KIF23: variants seen among roughly 807,000 people sequenced by gnomAD.
The protein encoded by KIF23 is kinesin family member 23.
Under a neutral mutation model 137.5 loss-of-function variants are expected in KIF23, and 30 were observed. The observed-to-expected ratio is 0.22, with a 90% CI of 0.16 to 0.30. KIF23 has a LOEUF of 0.30. KIF23 is among the 10% of genes least tolerant of loss of function. The pLI, the probability that KIF23 is intolerant of heterozygous loss-of-function variation, is 1.00. For synonymous variants in KIF23, 367 were observed against 391.1 expected, an observed-to-expected ratio of 0.94 and a Z score of 0.73; for missense variants, 920 against 1,194.3, an observed-to-expected ratio of 0.77 and a Z score of 3.38.
At chr15:69,434,519 G>A (rs1272400800) in intron 11 of KIF23, 1 of 761,732 alleles carries the variant, frequency 1.3e-6, no homozygotes, top group Admixed American at 1.8e-5. Context: ...GTGTATGCCA[G>A]CCTGGATCTC....
intron 23 of KIF23, 43 bp from the exon 24 acceptor site, chr15:69,447,749 T>C: frequency 6.3e-7 from 1 of 1,584,034 alleles, no homozygotes; most frequent in South Asian, 1.2e-5. Context: ...AATGTGTTAC[T>C]AATTGCAAAG....
Position 69,414,364 on chromosome 15 carries a change from T to TTGTTC in KIF23, c.-101_-100insGTTCT. On this transcript the variant is annotated 5_prime_UTR_variant, in exon 1 of 24. Transcript: ENST00000679126. ...CGCCGGCTTCGCAGAGCACCGCGCCTTAGCCGCGAAGTTCTAGTTCTTGCT... is the reference window on the plus strand; with the variant it reads ...CGCCGGCTTCGCAGAGCACCGCGCCTTGTTCTAGCCGCGAAGTTCTAGTTCTTGCT... The TTGTTC allele has an allele frequency of 6.7e-7, 1 of 1,502,676 alleles. No homozygotes were observed. Among genetic ancestry groups the TTGTTC allele is most frequent in the Non-Finnish European group, 9.0e-7 (1 of 1,112,036 alleles). The allele number at this position is 1,502,676 out of a possible 1,614,324, so 93.1% of individuals were successfully genotyped here.
chr15:69,420,391 A>G (rs543785010), intron 3 of KIF23, among the ~76,000 whole-genome samples: 1 of 152,224 alleles, frequency 6.6e-6, no homozygotes, highest in Non-Finnish European at 1.5e-5. Flanking sequence ...GGAGTCATTC[A>G]TGAGGACTGT....
Position 69,440,885 on chromosome 15 carries a change from T to C in KIF23, c.2227T>C (p.Trp743Arg), listed in dbSNP as rs539396226. ...SISVASCISE[W>R]EQKIPTYNTP... ...TTCTGTAGCTTCCTGTATTTCGGAATGGGAGCAGAAAATTCCTACGTACAA... is the reference window on the plus strand; with the variant it reads ...TTCTGTAGCTTCCTGTATTTCGGAACGGGAGCAGAAAATTCCTACGTACAA... The change falls in exon 19 of 24, where the codon TGG (tryptophan) becomes CGG (arginine). Residue 743 changes from tryptophan to arginine, a missense_variant. Physicochemically the swap from Trp to Arg is moderately radical, Grantham distance 101. Around this residue, in one of 4 missense-constraint regions of KIF23, gnomAD observed 714 missense variants for 866.2 expected, o/e 0.82. Coordinates refer to ENST00000679126, the MANE Select transcript of KIF23 (RefSeq NM_001367805.3). 2 of 1,614,186 alleles carry C rather than the reference T, an allele frequency of 1.2e-6. No homozygotes were observed. The highest frequency in any genetic ancestry group is 1.3e-5 in the African/African-American group (1 of 75,040).
intron 23 of KIF23, 33 bp from the exon 24 acceptor site, chr15:69,447,758 AG>A: frequency 6.3e-7 from 1 of 1,587,374 alleles, no homozygotes; most frequent in South Asian, 1.2e-5. Context: ...CTAATTGCAA[AG>A]TTCAACTCTA....
intron 3 of KIF23, among the ~76,000 whole-genome samples, chr15:69,419,944 C>G (rs1243266183): frequency 6.6e-6 from 1 of 152,140 alleles, no homozygotes; most frequent in African/African-American, 2.4e-5. Context: ...TCACTGCTTT[C>G]TGACAGAAGG....
chr15:69,416,195 T>A (rs1317168764), intron 2 of KIF23, 132 bp downstream of exon 2: 2 of 541,504 alleles, frequency 3.7e-6, no homozygotes, highest in Non-Finnish European at 6.3e-6. Context: ...TTTAGTTAAA[T>A]GGATGTACTA....
chr15:69,434,360 C>A (rs1567070569), intron 11 of KIF23: 2 of 238,742 alleles, frequency 8.4e-6, no homozygotes, highest in Admixed American at 9.9e-5. Context: ...GCAATCTAAT[C>A]TTTTTTTTAA....
intron 10 of KIF23, 48 bp downstream of exon 10, chr15:69,426,505 A>C (rs2057196825): frequency 1.9e-6 from 3 of 1,590,066 alleles, no homozygotes; most frequent in Non-Finnish European, 2.6e-6. Flanking sequence ...TCTATCCTTA[A>C]TTTTTGGAAT....
intron 8 of KIF23, 90 bp from the exon 9 acceptor site, chr15:69,425,980 T>C (rs959450214): frequency 2.4e-6 from 1 of 410,886 alleles, no homozygotes; most frequent in Admixed American, 4.2e-5. Flanking sequence ...GAATAACATG[T>C]CATGTCACTT....
rs758710646 is a variant in KIF23, at chr15:69,416,041, C to T, written c.59C>T (p.Thr20Met). The T allele has an allele frequency of 1.6e-5, 26 of 1,576,014 alleles. No individual in the cohort carries two copies. Among genetic ancestry groups the T allele is most frequent in the Admixed American group, 4.1e-5 (2 of 48,996 alleles). Reference sequence around the variant, plus strand: ...CCTACCGTGAAAAAAGGGTCCCAAACGAACCTTAAAGACCCAGTTGGGGTA... The same window carrying T: ...CCTACCGTGAAAAAAGGGTCCCAAATGAACCTTAAAGACCCAGTTGGGGTA... ...RKPTVKKGSQ[T>M]NLKDPVGVYC... The change falls in exon 2 of 24, where the codon ACG (threonine) becomes ATG (methionine). Residue 20 changes from threonine (T) to methionine (M), a missense_variant. By Grantham distance (81) the Thr-to-Met change is moderately conservative. Around this residue, in one of 4 missense-constraint regions of KIF23, gnomAD observed 124 missense variants for 122.0 expected, o/e 1.02. Transcript: ENST00000679126.
Position 69,423,332 on chromosome 15 carries a change from A to G in KIF23, c.734+3A>G. The G allele has an allele frequency of 6.5e-7, 1 of 1,538,618 alleles. No homozygotes were observed. The highest frequency in any genetic ancestry group is 8.7e-7 in the Non-Finnish European group (1 of 1,146,904). ...CCGTTTGATCCCATAAAACCCAAGT[A>G]AGTAATAAAGAGAGCCCCTTCTTAG... is the stretch of plus-strand genomic sequence containing the variant. On this transcript the variant is annotated splice_donor_region_variant and intron_variant, in intron 7 of 23. Coordinates refer to ENST00000679126, the MANE Select transcript of KIF23 (RefSeq NM_001367805.3).
intron 23 of KIF23, 51 bp from the exon 24 acceptor site, chr15:69,447,741 T>A: frequency 6.4e-7 from 1 of 1,573,594 alleles, no homozygotes; most frequent in Non-Finnish European, 8.7e-7. Flanking sequence ...TTGCTATGAA[T>A]GTGTTACTAA....
intron 10 of KIF23, 70 bp from the exon 11 acceptor site, chr15:69,429,041 G>T (rs2057285478): frequency 9.9e-7 from 1 of 1,005,970 alleles, no homozygotes; most frequent in Non-Finnish European, 1.5e-6. Flanking sequence ...TTGTTGATAT[G>T]AATCTATTTA....
At chr15:69,421,965 A>G in intron 4 of KIF23, 27 bp from the exon 5 acceptor site, 1 of 1,611,518 alleles carries the variant, frequency 6.2e-7, no homozygotes, top group South Asian at 1.1e-5. Flanking sequence ...TCTAAGATAT[A>G]ACTCATTGTG....
At chr15:69,447,741 T>C (rs938616068) in intron 23 of KIF23, 51 bp from the exon 24 acceptor site, 2 of 1,573,594 alleles carry the variant, frequency 1.3e-6, no homozygotes, top group Non-Finnish European at 1.7e-6. Context: ...TTGCTATGAA[T>C]GTGTTACTAA....
At chr15:69,442,188 A>G (rs1326717799) in intron 19 of KIF23, among the ~76,000 whole-genome samples, 1 of 152,018 alleles carries the variant, frequency 6.6e-6, no homozygotes, top group Non-Finnish European at 1.5e-5. Flanking sequence ...GACATTGACT[A>G]TTTTCATTGA....
chr15:69,414,537 G>A, intron 1 of KIF23, 61 bp downstream of exon 1: 1 of 1,492,332 alleles, frequency 6.7e-7, no homozygotes, highest in South Asian at 1.3e-5. Flanking sequence ...CTCGGGGCTG[G>A]GGGCAGGCGT....
rs2057122670 is a variant in KIF23, at chr15:69,423,819, G to T, written c.734+490G>T. 2.6e-5 allele frequency among the ~76,000 whole-genome samples: 4 copies of T among 152,078 alleles called. No homozygotes were observed. In the South Asian group the frequency reaches 6.2e-4, roughly 24 times the overall value. ...TCTGCACTGTAATTCCATCAGAGTTGAAATACTACTTCCTAGATTTCCTTG... is the reference window on the plus strand; with the variant it reads ...TCTGCACTGTAATTCCATCAGAGTTTAAATACTACTTCCTAGATTTCCTTG... On this transcript the variant is annotated intron_variant, in intron 7 of 23. Transcript: ENST00000679126.
Sources: gnomAD v4.1 joint callset for allele counts (sites outside exome capture counted in the v4.1 genomes callset) on GRCh38, gnomAD v4.1.1 for gene constraint, gnomAD v4.1.1 regional missense constraint, MANE v1.5 for transcripts, NCBI Gene and HGNC (gene_info 2026-07-23, HGNC 2026-07-21) for gene names.